GLUL: variants seen among roughly 807,000 people sequenced by gnomAD.
GLUL encodes the protein glutamine synthetase.
GLUL carries 8 observed loss-of-function variants against 36.9 expected under a neutral mutation model. The observed-to-expected ratio is 0.22, with a 90% confidence interval of 0.13 to 0.39. The LOEUF (loss-of-function observed/expected upper bound fraction) is 0.39, where lower values mean the gene tolerates loss of function less well. Ranked by LOEUF, GLUL falls within the 10% of genes least tolerant of loss-of-function variation. GLUL has a pLI of 1.00. For synonymous variants in GLUL, 182 were observed against 172.8 expected (o/e 1.05, Z -0.42); for missense variants, 315 against 501.8 (o/e 0.63, Z 3.56).
chr1:182,391,305 C>CG (rs1463920625), intron 1 of GLUL: 50 of 398,486 alleles, frequency 1.3e-4, no homozygotes, highest in African/African-American at 9.0e-4. Context: ...CACAGGGGAC[C>CG]GCACCGCCAC....
At chr1:182,388,918 AT>A in intron 1 of GLUL, 168 bp from the exon 2 acceptor site, 1 of 650,690 alleles carries the variant, frequency 1.5e-6, no homozygotes, top group East Asian at 2.9e-5. Context: ...TTTCAGGGGG[AT>A]TAGTTTTATA....
In GLUL at chr1:182,384,457, C is replaced by T. The variant is rs771096251; in HGVS notation, c.1070G>A (p.Arg357His). The T allele has an allele frequency of 3.7e-6, 6 of 1,613,580 alleles. No individual in the cohort carries two copies. The highest frequency in any genetic ancestry group is 3.3e-5 in the South Asian group (3 of 91,072). ...GCCGGTTTCATTGAGAAGACACGTGCGGATGAGGGCTTCTGTCACCGAAAA... is the reference window on the plus strand; with the variant it reads ...GCCGGTTTCATTGAGAAGACACGTGTGGATGAGGGCTTCTGTCACCGAAAA... ...DPFSVTEALI[R>H]TCLLNETGDE... The change falls in exon 7 of 7, where the codon CGC (arginine) becomes CAC (histidine). Residue 357 changes from arginine to histidine, a missense_variant. Around this residue, in one of 3 missense-constraint regions of GLUL, gnomAD observed 58 missense variants for 89.5 expected, o/e 0.65. Transcript: ENST00000331872.
chr1:182,386,531 G>GA (rs1255037952), intron 3 of GLUL, 129 bp from the exon 4 acceptor site: 7 of 792,878 alleles, frequency 8.8e-6, no homozygotes, highest in Non-Finnish European at 1.6e-5. Context: ...AACTGACCCA[G>GA]TATAGGCCTT....
rs1183881344 is a variant in GLUL, at chr1:182,383,942, A to ATTC, written c.*460_*462dup. 1 of 199,486 alleles carries ATTC rather than the reference A, an allele frequency of 5.0e-6. No individual in the cohort carries two copies. Among genetic ancestry groups the ATTC allele is most frequent in the Non-Finnish European group, 1.0e-5 (1 of 95,346 alleles). 12.4% of individuals were successfully genotyped at this position (199,486 alleles called of 1,614,324 possible). A position where few individuals can be genotyped will look rare whatever the true frequency, so the allele number is the denominator to read the frequency against. On this transcript the variant is annotated 3_prime_UTR_variant, in exon 7 of 7. Coordinates refer to ENST00000331872, the MANE Select transcript of GLUL (RefSeq NM_001033044.4). ...TTCCCAACCCCTACCTTCTCTCCTAATTCCCACTTTTAATAGAAAAGTTGG... is the reference window on the plus strand; with the variant it reads ...TTCCCAACCCCTACCTTCTCTCCTAATTCTTCCCACTTTTAATAGAAAAGTTGG...
Position 182,380,680 on chromosome 1 carries a change from C to T in GLUL, c.*3725G>A, listed in dbSNP as rs1049695454. Among the ~76,000 whole-genome samples the T allele has an allele frequency of 9.2e-5, 14 of 152,186 alleles. No individual in the cohort carries two copies. The highest frequency in any genetic ancestry group is 2.0e-4 in the Admixed American group (3 of 15,282). ...AAATACAGTCAAACAACAAAGACCT[C>T]ATAGAGTTAAAGCTCACAAAACTGA... On this transcript the variant is annotated 3_prime_UTR_variant, in exon 7 of 7. Transcript: ENST00000331872.
rs994924307 is a variant in GLUL at position 182,378,766 on chromosome 1, T to A, written c.*5639A>T. On this transcript the variant is annotated 3_prime_UTR_variant, in exon 7 of 7. Coordinates refer to ENST00000331872, the MANE Select transcript of GLUL (RefSeq NM_001033044.4). ...TGTGTATGGACATATATCTGCATAT[T>A]GTAAAATGAAATAGAATTTTTTTTT... Among the ~76,000 whole-genome samples the A allele has an allele frequency of 6.6e-6, 1 of 152,202 alleles. No homozygotes were observed. The highest frequency in any genetic ancestry group is 2.4e-5 in the African/African-American group (1 of 41,432).
At position 182,384,099 on chromosome 1, in the gene GLUL, C is replaced by T. The variant is rs995133894; in HGVS notation, c.*306G>A. On this transcript the variant is annotated 3_prime_UTR_variant, in exon 7 of 7. Transcript: ENST00000331872. ...CAAACGTGCTCTGTCCGGATAGCTACGCCTATTGGACAGGTGCACCCCATT... is the reference window on the plus strand; with the variant it reads ...CAAACGTGCTCTGTCCGGATAGCTATGCCTATTGGACAGGTGCACCCCATT... 1.3e-5 allele frequency: 5 copies of T among 398,658 alleles called. No individual in the cohort carries two copies. The highest frequency in any genetic ancestry group is 1.6e-3 in the Middle Eastern group (2 of 1,270). 24.7% of individuals were successfully genotyped at this position (398,658 alleles called of 1,614,324 possible). A position where few individuals can be genotyped will look rare whatever the true frequency, so the allele number is the denominator to read the frequency against.
rs779839421 is a variant in GLUL at position 182,386,421 on chromosome 1, AAT to A, written c.329-21_329-20del. The A allele has an allele frequency of 1.1e-5, 17 of 1,581,098 alleles. No homozygotes were observed. In the South Asian group the frequency reaches 1.9e-4, roughly 17 times the overall value. ...TTGGTCTCTAGAAAAAAGAGTCAAT[AAT>A]ACGCCATCAGGGATCTAAAGACATA... On this transcript the variant is annotated intron_variant, in intron 3 of 6. Transcript: ENST00000331872.
intron 1 of GLUL, chr1:182,390,359 G>A (rs1650356460): frequency 5.0e-6 from 2 of 397,744 alleles, no homozygotes; most frequent in East Asian, 3.6e-5. Context: ...CGAGTTGCAT[G>A]CCAGCAGCCT....
At position 182,382,086 on chromosome 1, in the gene GLUL, T is replaced by C. The variant is rs1190705805; in HGVS notation, c.*2319A>G. ...TCTAAAAACTATCACAGGCCCCAGC[T>C]ACCTCGCACTGGTAAGAGTATACTG... On this transcript the variant is annotated 3_prime_UTR_variant, in exon 7 of 7. Transcript: ENST00000331872. 1 of 152,238 alleles carries C rather than the reference T, an allele frequency of 6.6e-6. No individual in the cohort carries two copies. The highest frequency in any genetic ancestry group is 1.5e-5 in the Non-Finnish European group (1 of 68,046). 9.4% of individuals were successfully genotyped at this position (152,238 alleles called of 1,614,324 possible). A position where few individuals can be genotyped will look rare whatever the true frequency, so the allele number is the denominator to read the frequency against.
At position 182,382,566 on chromosome 1, in the gene GLUL, C is replaced by T. The variant is rs138623254; in HGVS notation, c.*1839G>A. ...CATTATGTTAGGCTATTGTATTAGG[C>T]TAGGAATGGTCAAAACAATGTTATG... is the stretch of plus-strand genomic sequence containing the variant. On this transcript the variant is annotated 3_prime_UTR_variant, in exon 7 of 7. Transcript: ENST00000331872. 6.6e-6 allele frequency: 1 copy of T among 152,272 alleles called. No homozygotes were observed. The highest frequency in any genetic ancestry group is 6.5e-5 in the Admixed American group (1 of 15,288). 9.4% of individuals were successfully genotyped at this position (152,272 alleles called of 1,614,324 possible).
At chr1:182,390,827 G>C in intron 1 of GLUL, 1 of 393,780 alleles carries the variant, frequency 2.5e-6, no homozygotes, top group Non-Finnish European at 4.4e-6. Context: ...TTTCTTCGTG[G>C]ACTTGCGGCT....
rs977920969 is a variant in GLUL at position 182,385,726 on chromosome 1, C to T, written c.603+34G>A. On this transcript the variant is annotated intron_variant, in intron 5 of 6. Coordinates refer to ENST00000331872, the MANE Select transcript of GLUL (RefSeq NM_001033044.4). ...CAAAAGTCCTATGTACACCTACCTA[C>T]CCTTCTTCATTGATGGATTGGAGCT... 13 of 1,613,160 alleles carry T rather than the reference C, an allele frequency of 8.1e-6. No individual in the cohort carries two copies. The African/African-American group carries it at 1.3e-4, about 17-fold the overall frequency.
chr1:182,390,174 G>A (rs1206060740), intron 1 of GLUL: 3 of 188,758 alleles, frequency 1.6e-5, no homozygotes, highest in African/African-American at 4.7e-5. Flanking sequence ...AGTGAGCCGG[G>A]AGATTGCACC....
rs1366122394 is a variant in GLUL at position 182,382,924 on chromosome 1, T to C, written c.*1481A>G. ...TGTTAGGCTGATTTATAAGTGCTGCTTTGGGCAGTTACACAGTTTGTTTAC... is the reference window on the plus strand; with the variant it reads ...TGTTAGGCTGATTTATAAGTGCTGCCTTGGGCAGTTACACAGTTTGTTTAC... On this transcript the variant is annotated 3_prime_UTR_variant, in exon 7 of 7. Transcript: ENST00000331872. 3 of 152,084 alleles carry C rather than the reference T, an allele frequency of 2.0e-5. No individual in the cohort carries two copies. Among genetic ancestry groups the C allele is most frequent in the African/African-American group, 4.8e-5 (2 of 41,332 alleles). 9.4% of individuals were successfully genotyped at this position (152,084 alleles called of 1,614,324 possible). A position where few individuals can be genotyped will look rare whatever the true frequency, so the allele number is the denominator to read the frequency against.
chr1:182,390,627 G>A (rs1650370917), intron 1 of GLUL: 1 of 399,504 alleles, frequency 2.5e-6, no homozygotes, highest in Non-Finnish European at 4.4e-6. Flanking sequence ...CTGGGAGAGG[G>A]CGATGGAGAA....
intron 3 of GLUL, chr1:182,386,635 A>G: frequency 1.7e-6 from 1 of 580,952 alleles, no homozygotes; most frequent in Non-Finnish European, 3.1e-6. Flanking sequence ...AAACTCAGTT[A>G]CAACCAAGTC....
At chr1:182,386,470 T>C in intron 3 of GLUL, 68 bp from the exon 4 acceptor site, 3 of 1,152,666 alleles carry the variant, frequency 2.6e-6, no homozygotes, top group Non-Finnish European at 2.6e-6. Context: ...CCGATGCTGA[T>C]GGGAGAATAG....
chr1:182,384,340 GA>G lies in GLUL; in HGVS notation c.*64del, dbSNP rs1650071441. ...TGAGTTACAATCGGGACAACTGGGAGAGGGGGAAGAGTTGGAGTGGGATGAA... is the reference window on the plus strand; with the variant it reads ...TGAGTTACAATCGGGACAACTGGGAGGGGGGAAGAGTTGGAGTGGGATGAA... On this transcript the variant is annotated 3_prime_UTR_variant, in exon 7 of 7. Transcript: ENST00000331872. 9 of 1,094,810 alleles carry G rather than the reference GA, an allele frequency of 8.2e-6. No homozygotes were observed. The highest frequency in any genetic ancestry group is 1.3e-5 in the Non-Finnish European group (9 of 716,904). The allele number at this position is 1,094,810 out of a possible 1,614,324, so 67.8% of individuals were successfully genotyped here.
Sources: gnomAD v4.1 joint callset for allele counts (sites outside exome capture counted in the v4.1 genomes callset) on GRCh38, gnomAD v4.1.1 for gene constraint, gnomAD v4.1.1 regional missense constraint, MANE v1.5 for transcripts, NCBI Gene and HGNC (gene_info 2026-07-23, HGNC 2026-07-21) for gene names.